NHSL1: variants seen among roughly 807,000 people sequenced by gnomAD.
The protein encoded by NHSL1 is NHS like 1, also known as NHS-like protein 1.
A neutral mutation model predicts 95.0 loss-of-function variants in NHSL1; 48 were observed. The observed-to-expected ratio is 0.51, with a 90% CI of 0.40 to 0.64. The LOEUF is 0.64. Ranked by LOEUF, NHSL1 falls within the 30% of genes least tolerant of loss-of-function variation. The pLI is 0.00. For synonymous variants in NHSL1, 783 were observed against 833.9 expected (o/e 0.94, Z 1.05); for missense variants, 1,971 against 2,077.7 (o/e 0.95, Z 1.00).
chr6:138,464,102 T>A (rs531471022), intron 3 of NHSL1: 5 of 487,280 alleles, frequency 1.0e-5, no homozygotes, highest in Non-Finnish European at 1.9e-5. Context: ...CGAGGTCAGG[T>A]GTTCAGCTAT....
At chr6:138,437,623 A>T (rs972492967) in intron 5 of NHSL1, among the ~76,000 whole-genome samples, 1 of 152,110 alleles carries the variant, frequency 6.6e-6, no homozygotes, top group Non-Finnish European at 1.5e-5. Context: ...TGCCACAGAT[A>T]GTGATTCCTC....
At position 138,422,869 on chromosome 6, in the gene NHSL1, GTTTA is replaced by G. The variant is rs1485955026; in HGVS notation, c.*1208_*1211del. 1 of 151,962 alleles carries G rather than the reference GTTTA, an allele frequency of 6.6e-6. No homozygotes were observed. The highest frequency in any genetic ancestry group is 1.5e-5 in the Non-Finnish European group (1 of 67,986). The allele number at this position is 151,962 out of a possible 1,614,324, so 9.4% of individuals were successfully genotyped here. A position where few individuals can be genotyped will look rare whatever the true frequency, so the allele number is the denominator to read the frequency against. On this transcript the variant is annotated 3_prime_UTR_variant, in exon 8 of 8. Coordinates refer to ENST00000343505, the MANE Select transcript of NHSL1 (RefSeq NM_001144060.2). ...AGCCAGGCCCTACCAATTTTTATCA[GTTTA>G]TTTGACTAACAAGAGCTATTCAGCA... is the stretch of plus-strand genomic sequence containing the variant.
chr6:138,605,350 C>A (rs1038870474), intron 1 of NHSL1, among the ~76,000 whole-genome samples: 1 of 152,172 alleles, frequency 6.6e-6, no homozygotes, highest in South Asian at 2.1e-4. Flanking sequence ...CTCAGCCTCC[C>A]GGGTGGCCAG....
intron 1 of NHSL1, among the ~76,000 whole-genome samples, chr6:138,671,405 G>A (rs113845426): frequency 4.2e-5 from 6 of 142,034 alleles, no homozygotes; most frequent in African/African-American, 8.9e-5. Context: ...AGCCAAGATC[G>A]CGCCACTGCA....
intron 1 of NHSL1, among the ~76,000 whole-genome samples, chr6:138,564,902 G>A (rs536835301): frequency 1.4e-4 from 21 of 152,238 alleles, no homozygotes; most frequent in African/African-American, 4.8e-4. Context: ...GAGGCGACTC[G>A]AGCACCCTGG....
At chr6:138,616,964 G>A (rs116232933) in intron 1 of NHSL1, among the ~76,000 whole-genome samples, 6 of 152,274 alleles carry the variant, frequency 3.9e-5, no homozygotes, top group African/African-American at 7.2e-5. Flanking sequence ...TGGAAGTACC[G>A]GCATGGCTCT....
In NHSL1 at chr6:138,590,370, C is replaced by T. The variant is rs1433802415; in HGVS notation, c.97-93999G>A. ...TCCCTGAAGCCTACTTCCACCTTCC[C>T]TCCCAAACTCAAAGATAACCTCCCT... On this transcript the variant is annotated intron_variant, in intron 1 of 3. Coordinates refer to the NHSL1 transcript ENST00000491526. 1.3e-4 allele frequency among the ~76,000 whole-genome samples: 20 copies of T among 152,274 alleles called. No homozygotes were observed. In the East Asian group the frequency reaches 3.7e-3, roughly 28 times the overall value.
intron 1 of NHSL1, among the ~76,000 whole-genome samples, chr6:138,545,414 G>A (rs946384683): frequency 6.6e-6 from 1 of 152,108 alleles, no homozygotes; most frequent in African/African-American, 2.4e-5. Context: ...TATCCTTTCT[G>A]TCTAGAAGAG....
chr6:138,652,365 C>A (rs576072360), intron 1 of NHSL1, among the ~76,000 whole-genome samples: 1 of 150,684 alleles, frequency 6.6e-6, no homozygotes, highest in Admixed American at 6.6e-5. Context: ...CACTTGAACC[C>A]GGAGGCAGAG....
At chr6:138,675,394 C>G (rs1785435140) in intron 1 of NHSL1, among the ~76,000 whole-genome samples, 1 of 152,158 alleles carries the variant, frequency 6.6e-6, no homozygotes, top group Non-Finnish European at 1.5e-5. Context: ...GGAGGCCTGA[C>G]CCAAATCACT....
rs557033420 is a variant in NHSL1, at chr6:138,471,907, G to A, written c.339+1399C>T. The stretch of plus-strand genomic sequence containing the variant: ...TAATTACAAAATGTAGACCAGGCGC[G>A]GTGACTCATGCCTGTAATCCCAGCA... On this transcript the variant is annotated intron_variant, in intron 3 of 7. Transcript: ENST00000343505. Among the ~76,000 whole-genome samples, 209 of 151,924 alleles carry A rather than the reference G, an allele frequency of 1.4e-3. 1 individual carries two copies. Among genetic ancestry groups the A allele is most frequent in the Non-Finnish European group, 2.5e-3 (170 of 68,006 alleles).
At chr6:138,627,048 T>C (rs1784749782) in intron 1 of NHSL1, among the ~76,000 whole-genome samples, 1 of 152,160 alleles carries the variant, frequency 6.6e-6, no homozygotes, top group Admixed American at 6.5e-5. Context: ...TTTAGAACAT[T>C]TGCCATTTCT....
chr6:138,487,732 C>G (rs912765089), intron 2 of NHSL1, among the ~76,000 whole-genome samples: 4 of 152,236 alleles, frequency 2.6e-5, no homozygotes, highest in African/African-American at 9.6e-5. Context: ...CAGCTTACCA[C>G]TGACAACACT....
At chr6:138,464,715 C>CTTTTTTTTTTTTTTTTTTTTT (rs1157342436) in intron 3 of NHSL1, among the ~76,000 whole-genome samples, 4 of 119,022 alleles carry the variant, frequency 3.4e-5, no homozygotes, top group African/African-American at 1.0e-4. Context: ...TTTTTCTTTT[C>CTTTTTTTTTTTTTTTTTTTTT]TTTTTTTTTT....
rs761393458 is a variant in NHSL1, at chr6:138,431,542, C to CAGG, written c.2800_2802dup (p.Pro934dup). ...GGACAAGGGAATGGAGGAGAGGGAA[C>CAGG]AGGAGGAGGAGGAGGAGCCGGGGGA... On this transcript the variant is annotated inframe_insertion, in exon 6 of 8. Coordinates refer to ENST00000343505, the MANE Select transcript of NHSL1 (RefSeq NM_001144060.2). The surrounding 1 kb of genome is among the most constrained non-coding windows in gnomAD (Gnocchi z 4.0). The CAGG allele has an allele frequency of 1.8e-5, 28 of 1,549,790 alleles. No individual in the cohort carries two copies. Among genetic ancestry groups the CAGG allele is most frequent in the South Asian group, 2.4e-5 (2 of 83,844 alleles).
chr6:138,487,187 T>C (rs971376904), intron 2 of NHSL1, among the ~76,000 whole-genome samples: 2 of 152,086 alleles, frequency 1.3e-5, no homozygotes, highest in African/African-American at 4.8e-5. Context: ...GCAGATGAGA[T>C]GAGACAAACA....
At chr6:138,586,173 C>T (rs1043928088) in intron 1 of NHSL1, among the ~76,000 whole-genome samples, 2 of 151,748 alleles carry the variant, frequency 1.3e-5, no homozygotes, top group African/African-American at 4.8e-5. Flanking sequence ...TGGCTCACTG[C>T]AACCTCCACT....
At chr6:138,647,310 G>A (rs994693280) in intron 1 of NHSL1, among the ~76,000 whole-genome samples, 3 of 152,194 alleles carry the variant, frequency 2.0e-5, no homozygotes, top group Admixed American at 6.5e-5. Context: ...CCTGGGTTCC[G>A]TTCAAAATTT....
chr6:138,624,122 G>A (rs936480970), intron 1 of NHSL1, among the ~76,000 whole-genome samples: 2 of 152,130 alleles, frequency 1.3e-5, no homozygotes, highest in African/African-American at 4.8e-5. Flanking sequence ...TCATCAAAGA[G>A]GTACAATCTT....
Sources: allele counts gnomAD v4.1 joint callset (sites outside exome capture counted in the v4.1 genomes callset), GRCh38; gene constraint gnomAD v4.1.1; non-coding constraint Gnocchi (gnomAD v3.1); transcripts MANE v1.5; gene names NCBI Gene and HGNC (gene_info 2026-07-23, HGNC 2026-07-21).